PXDNL: variants seen among roughly 807,000 people sequenced by gnomAD.
The protein encoded by PXDNL is probable oxidoreductase PXDNL.
Under a neutral mutation model 150.8 loss-of-function variants are expected in PXDNL, and 145 were observed. The ratio of observed to expected loss-of-function variants is 0.96; its 90% CI spans 0.84 to 1.10. The LOEUF (loss-of-function observed/expected upper bound fraction) is 1.10, where lower values mean the gene tolerates loss of function less well. Ranked by LOEUF, PXDNL falls within the 50% of genes least tolerant of loss-of-function variation. The pLI is 0.00. For synonymous variants in PXDNL, 757 were observed against 725.7 expected (o/e 1.04, Z -0.69); for missense variants, 2,087 against 1,873.9 (o/e 1.11, Z -2.10).
chr8:51,618,455 T>G (rs1255430505), intron 2 of PXDNL, among the ~76,000 whole-genome samples: 1 of 152,162 alleles, frequency 6.6e-6, no homozygotes, highest in African/African-American at 2.4e-5. Context: ...CCAGTAAACT[T>G]TATCTGCTTT....
At chr8:51,367,898 C>T (rs1034828236) in intron 19 of PXDNL, among the ~76,000 whole-genome samples, 3 of 152,094 alleles carry the variant, frequency 2.0e-5, no homozygotes, top group Non-Finnish European at 4.4e-5. Flanking sequence ...GAGGCCGAGA[C>T]GGGTGGATCA....
At chr8:51,524,979 G>C (rs554008864) in intron 4 of PXDNL, among the ~76,000 whole-genome samples, 2 of 152,326 alleles carry the variant, frequency 1.3e-5, no homozygotes, top group South Asian at 4.1e-4. Context: ...CGCCTTGCTG[G>C]AACAGGGGTG....
In PXDNL at chr8:51,426,725, G is replaced by A. The variant is rs1451113778; in HGVS notation, c.1559C>T (p.Thr520Ile). Residue 520 changes from threonine to isoleucine, a missense_variant, in exon 13 of 23, where the codon ACA becomes ATA. Coordinates refer to ENST00000356297, the MANE Select transcript of PXDNL (RefSeq NM_144651.5). ...LAVFTQLPQDTSVEVGKNINI... is the reference protein window; with the variant it reads ...LAVFTQLPQDISVEVGKNINI... ...TATATTCTTTCCAACCTCGACACTT[G>A]TATCCTGAGGAAGTTGAGTAAACAC... 2 of 1,604,016 alleles carry A rather than the reference G, an allele frequency of 1.2e-6. No homozygotes were observed. The highest frequency in any genetic ancestry group is 1.7e-6 in the Non-Finnish European group (2 of 1,174,176).
chr8:51,606,524 A>G (rs1469853319), intron 2 of PXDNL, among the ~76,000 whole-genome samples: 4 of 152,214 alleles, frequency 2.6e-5, no homozygotes, highest in Non-Finnish European at 5.9e-5. Context: ...AAGTTCTTTA[A>G]CCAAACTTTT....
At chr8:51,591,726 C>T (rs997624289) in intron 3 of PXDNL, among the ~76,000 whole-genome samples, 2 of 151,978 alleles carry the variant, frequency 1.3e-5, no homozygotes, top group African/African-American at 2.4e-5. Context: ...TCACGCCATT[C>T]TCCTGCCTCA....
At chr8:51,553,890 G>A (rs942152816) in intron 4 of PXDNL, among the ~76,000 whole-genome samples, 3 of 151,808 alleles carry the variant, frequency 2.0e-5, no homozygotes, top group East Asian at 1.9e-4. Flanking sequence ...TTTAAGACAT[G>A]CTCTTTAAAG....
intron 1 of PXDNL, among the ~76,000 whole-genome samples, chr8:51,680,670 C>T (rs1452372642): frequency 6.6e-6 from 1 of 152,198 alleles, no homozygotes; most frequent in Non-Finnish European, 1.5e-5. Flanking sequence ...GAGGCCACAG[C>T]AGTGACCATG....
chr8:51,683,798 C>A (rs541223919), intron 1 of PXDNL, among the ~76,000 whole-genome samples: 1 of 152,098 alleles, frequency 6.6e-6, no homozygotes, highest in Non-Finnish European at 1.5e-5. Flanking sequence ...CCAAGGCATG[C>A]GAGACTGATG....
At chr8:51,418,363 A>G (rs1395940104) in intron 14 of PXDNL, among the ~76,000 whole-genome samples, 1 of 152,196 alleles carries the variant, frequency 6.6e-6, no homozygotes, top group Non-Finnish European at 1.5e-5. Context: ...AATGTAGTAA[A>G]ATAGCAATTT....
chr8:51,447,919 C>A (rs1039888075), intron 11 of PXDNL, among the ~76,000 whole-genome samples: 2 of 152,096 alleles, frequency 1.3e-5, no homozygotes, highest in Non-Finnish European at 2.9e-5. Flanking sequence ...AACGTCATCA[C>A]CCCCAACACA....
At chr8:51,563,588 C>T (rs988699088) in intron 3 of PXDNL, among the ~76,000 whole-genome samples, 1 of 151,948 alleles carries the variant, frequency 6.6e-6, no homozygotes, top group Admixed American at 6.6e-5. Context: ...TCTGAATGGA[C>T]TCTATTTACC....
intron 2 of PXDNL, among the ~76,000 whole-genome samples, chr8:51,605,575 C>T (rs529453928): frequency 2.6e-5 from 4 of 152,048 alleles, no homozygotes; most frequent in Non-Finnish European, 4.4e-5. Context: ...AATCTAAGAT[C>T]GAAGATGAGG....
chr8:51,580,740 G>A (rs1421461394), intron 3 of PXDNL, among the ~76,000 whole-genome samples: 1 of 152,066 alleles, frequency 6.6e-6, no homozygotes, highest in Non-Finnish European at 1.5e-5. Flanking sequence ...AGAATAGAAG[G>A]ATACAACAGC....
At chr8:51,574,147 C>G (rs532024214) in intron 3 of PXDNL, among the ~76,000 whole-genome samples, 3 of 151,796 alleles carry the variant, frequency 2.0e-5, no homozygotes, top group African/African-American at 7.2e-5. Flanking sequence ...CATAAAAATG[C>G]CTCAGGAAAC....
chr8:51,744,261 AGAG>A (rs1170068884), intron 1 of PXDNL, among the ~76,000 whole-genome samples: 3 of 129,592 alleles, frequency 2.3e-5, no homozygotes, highest in Non-Finnish European at 4.9e-5. Flanking sequence ...AAGAAAGAAA[AGAG>A]AAAGAAAGGA....
chr8:51,332,568 T>C (rs1366608714), intron 21 of PXDNL, among the ~76,000 whole-genome samples: 2 of 150,812 alleles, frequency 1.3e-5, no homozygotes, highest in Non-Finnish European at 2.9e-5. Context: ...ATGCAAGAGC[T>C]TGTATCAAAA....
intron 1 of PXDNL, among the ~76,000 whole-genome samples, chr8:51,804,927 C>A (rs1003378364): frequency 6.6e-6 from 1 of 151,822 alleles, no homozygotes; most frequent in Non-Finnish European, 1.5e-5. Context: ...CTCAAGCTGT[C>A]ACCTCCACAT....
chr8:51,651,254 G>A (rs937249260), intron 2 of PXDNL, among the ~76,000 whole-genome samples: 10 of 152,072 alleles, frequency 6.6e-5, no homozygotes, highest in African/African-American at 1.7e-4. Context: ...GAAGCGATTC[G>A]GCCAAATTAG....
chr8:51,522,713 G>T (rs781555948), intron 4 of PXDNL, among the ~76,000 whole-genome samples: 2 of 152,012 alleles, frequency 1.3e-5, no homozygotes, highest in Non-Finnish European at 2.9e-5. Flanking sequence ...GCATTGTGGT[G>T]CATGCCTGTA....
Sources: gnomAD v4.1 joint callset for allele counts (sites outside exome capture counted in the v4.1 genomes callset) on GRCh38, gnomAD v4.1.1 for gene constraint, MANE v1.5 for transcripts, NCBI Gene and HGNC (gene_info 2026-07-23, HGNC 2026-07-21) for gene names.